Variants in GSK3B observed in about 807,000 individuals in gnomAD.
The protein encoded by GSK3B is glycogen synthase kinase-3 beta.
GSK3B carries 15 observed loss-of-function variants against 56.4 expected under a neutral mutation model. The ratio of observed to expected loss-of-function variants is 0.27; its 90% CI spans 0.18 to 0.41. GSK3B has a LOEUF of 0.41. Ranked by LOEUF, GSK3B falls within the 10% of genes least tolerant of loss-of-function variation. The pLI is 1.00. For synonymous variants in GSK3B, 181 were observed against 188.9 expected (o/e 0.96, Z 0.34); for missense variants, 300 against 513.4 (o/e 0.58, Z 4.02).
chr3:120,035,287 C>T (rs1476572111), intron 1 of GSK3B, among the ~76,000 whole-genome samples: 1 of 152,138 alleles, frequency 6.6e-6, no homozygotes, highest in East Asian at 1.9e-4. Flanking sequence ...CTAGCAAACA[C>T]TAGAAGCAGC....
At chr3:120,006,186 A>G (rs2057725921) in intron 1 of GSK3B, among the ~76,000 whole-genome samples, 1 of 152,228 alleles carries the variant, frequency 6.6e-6, no homozygotes, top group Admixed American at 6.5e-5. Flanking sequence ...ACATAATGGT[A>G]AAGTGATCAA....
chr3:119,929,898 C>T (rs535600069), intron 3 of GSK3B, among the ~76,000 whole-genome samples: 4 of 141,704 alleles, frequency 2.8e-5, no homozygotes, highest in South Asian at 2.2e-4. Flanking sequence ...CGAAACTCTG[C>T]CTCAAAAAAA....
chr3:120,041,423 G>A (rs903020298), intron 1 of GSK3B: 6 of 267,274 alleles, frequency 2.2e-5, no homozygotes, highest in Admixed American at 2.2e-4. Flanking sequence ...AGAAGCCCAT[G>A]GAAACACATA....
Position 119,843,442 on chromosome 3 carries a change from G to T in GSK3B, c.1097-89C>A, listed in dbSNP as rs892326314. The T allele has an allele frequency of 5.9e-6, 4 of 674,222 alleles. No homozygotes were observed. In the Admixed American group the frequency reaches 9.3e-5, roughly 16 times the overall value. 41.8% of individuals were successfully genotyped at this position (674,222 alleles called of 1,614,324 possible). ...TTGGTAAGAGTGAAAATAAGATTCTGCATTAAACTACCAGTTTATGCCGGG... is the reference window on the plus strand; with the variant it reads ...TTGGTAAGAGTGAAAATAAGATTCTTCATTAAACTACCAGTTTATGCCGGG... On this transcript the variant is annotated intron_variant, in intron 9 of 10. Transcript: ENST00000264235.
chr3:120,093,371 C>A lies in GSK3B; in HGVS notation c.64G>T (p.Ala22Ser), dbSNP rs750102236. Reference sequence around the variant, plus strand: ...CTGCTAACTTTCATGCTGCCAAAAGCTGAAGGCTGCTGCACCGGCTTGCAG... The same window carrying A: ...CTGCTAACTTTCATGCTGCCAAAAGATGAAGGCTGCTGCACCGGCTTGCAG... ...ESCKPVQQPS[A>S]FGSMKVSRDK... is the part of the protein sequence containing the mutation. The change falls in exon 1 of 11, where the codon GCT (alanine) becomes TCT (serine). Residue 22 changes from alanine (A) to serine (S), a missense_variant. Physicochemically the swap from Ala to Ser is moderately conservative, Grantham distance 99. This residue lies in a region of GSK3B where 53 missense variants were observed against 64.6 expected (regional missense o/e 0.82). Coordinates refer to ENST00000264235, the MANE Select transcript of GSK3B (RefSeq NM_001146156.2). The A allele has an allele frequency of 5.6e-6, 9 of 1,613,548 alleles. No homozygotes were observed. The highest frequency in any genetic ancestry group is 7.6e-6 in the Non-Finnish European group (9 of 1,179,462).
intron 1 of GSK3B, among the ~76,000 whole-genome samples, chr3:120,026,378 A>C (rs2057924260): frequency 6.6e-6 from 1 of 152,126 alleles, no homozygotes; most frequent in Admixed American, 6.6e-5. Context: ...GTAGTTTATA[A>C]TCTATAGTAG....
intron 10 of GSK3B, among the ~76,000 whole-genome samples, chr3:119,830,789 A>C (rs1263629525): frequency 6.6e-6 from 1 of 152,252 alleles, no homozygotes; most frequent in Non-Finnish European, 1.5e-5. Context: ...ATTTTGGAAC[A>C]CGTTATTTAA....
intron 3 of GSK3B, among the ~76,000 whole-genome samples, chr3:119,933,918 CAAG>C (rs991574211): frequency 6.6e-5 from 10 of 151,880 alleles, no homozygotes; most frequent in Non-Finnish European, 1.2e-4. Context: ...AAAAAACAAA[CAAG>C]AAGCACAGGA....
intron 9 of GSK3B, among the ~76,000 whole-genome samples, chr3:119,846,545 T>C (rs147320339): frequency 2.6e-3 from 398 of 152,296 alleles, no homozygotes; most frequent in African/African-American, 8.5e-3. Context: ...AAAAAGCTCA[T>C]CATCGCTGAT....
Position 120,094,363 on chromosome 3 carries a change from C to G in GSK3B, c.-929G>C. On this transcript the variant is annotated 5_prime_UTR_variant, in exon 1 of 11. Coordinates refer to ENST00000264235, the MANE Select transcript of GSK3B (RefSeq NM_001146156.2). ...GGGGCCGGCTCCTCCTCGCTTCCTTCCTTCCTTTGTCACTTGGCCCGGGCG... is the reference window on the plus strand; with the variant it reads ...GGGGCCGGCTCCTCCTCGCTTCCTTGCTTCCTTTGTCACTTGGCCCGGGCG... 3.3e-6 allele frequency: 1 copy of G among 301,394 alleles called. No homozygotes were observed. Among genetic ancestry groups the G allele is most frequent in the Non-Finnish European group, 6.2e-6 (1 of 162,164 alleles). 18.7% of individuals were successfully genotyped at this position (301,394 alleles called of 1,614,324 possible).
In GSK3B at chr3:120,093,756, G is replaced by T. The variant is rs1468790271; in HGVS notation, c.-322C>A. ...CAAATCCTAAAAAAATATGTATCAC[G>T]TGAAACGGGGGCAAATACTTGATTG... On this transcript the variant is annotated 5_prime_UTR_variant, in exon 1 of 11. Transcript: ENST00000264235. The T allele has an allele frequency of 1.0e-5, 3 of 290,878 alleles. No individual in the cohort carries two copies. Among genetic ancestry groups the T allele is most frequent in the Non-Finnish European group, 6.4e-6 (1 of 155,344 alleles). 18.0% of individuals were successfully genotyped at this position (290,878 alleles called of 1,614,324 possible).
chr3:119,988,578 A>G (rs2057536915), intron 2 of GSK3B, among the ~76,000 whole-genome samples: 1 of 152,234 alleles, frequency 6.6e-6, no homozygotes, highest in South Asian at 2.1e-4. Context: ...AACTGGCCTC[A>G]TATTTTGTGT....
At position 119,952,729 on chromosome 3, in the gene GSK3B, A is replaced by T. The variant is rs72969111; in HGVS notation, c.283-5378T>A. On this transcript the variant is annotated intron_variant, in intron 2 of 10. Transcript: ENST00000264235. ...AGCTAGAAGGCAGTAACAAAAAATT[A>T]AAAAAAACTATCAACTAAGAATTCT... is the stretch of plus-strand genomic sequence containing the variant. 5.1e-3 allele frequency among the ~76,000 whole-genome samples: 780 copies of T among 151,790 alleles called. 7 individuals carry two copies. Among genetic ancestry groups the T allele is most frequent in the African/African-American group, 0.018 (744 of 41,416 alleles).
chr3:120,058,425 C>T (rs1443992038), intron 1 of GSK3B, among the ~76,000 whole-genome samples: 1 of 152,094 alleles, frequency 6.6e-6, no homozygotes, highest in Non-Finnish European at 1.5e-5. Flanking sequence ...TTCAGGGGCT[C>T]AACAGCCACA....
At chr3:119,837,734 T>A (rs1420844643) in intron 10 of GSK3B, among the ~76,000 whole-genome samples, 4 of 151,890 alleles carry the variant, frequency 2.6e-5, no homozygotes, top group Admixed American at 1.3e-4. Context: ...GCAGATGCTC[T>A]CTAAAATGGT....
chr3:119,845,415 C>T (rs576923884), intron 9 of GSK3B, among the ~76,000 whole-genome samples: 1 of 152,176 alleles, frequency 6.6e-6, no homozygotes, highest in East Asian at 1.9e-4. Context: ...TTTAGAAAAC[C>T]CCATCGCCTC....
At chr3:119,906,889 G>GT (rs1317398705) in intron 6 of GSK3B, among the ~76,000 whole-genome samples, 1 of 152,038 alleles carries the variant, frequency 6.6e-6, no homozygotes, top group Non-Finnish European at 1.5e-5. Flanking sequence ...ACTGGAAATC[G>GT]TTGCTCCAGT....
rs1288677162 is a variant in GSK3B, at chr3:119,863,357, C to T, written c.1096+62G>A. ...CCACAGATTTTAATTAATAGAATGT[C>T]ATTTCACACCCAGGGTGTAGCTTTC... is the stretch of plus-strand genomic sequence containing the variant. On this transcript the variant is annotated intron_variant, in intron 9 of 10. Coordinates refer to ENST00000264235, the MANE Select transcript of GSK3B (RefSeq NM_001146156.2). 11 of 1,287,676 alleles carry T rather than the reference C, an allele frequency of 8.5e-6. No individual in the cohort carries two copies. The East Asian group carries it at 2.5e-4, about 30-fold the overall frequency. The allele number at this position is 1,287,676 out of a possible 1,614,324, so 79.8% of individuals were successfully genotyped here.
intron 9 of GSK3B, among the ~76,000 whole-genome samples, chr3:119,858,282 CTTCCAA>C (rs1337984437): frequency 6.6e-6 from 1 of 152,244 alleles, no homozygotes; most frequent in Non-Finnish European, 1.5e-5. Context: ...ATGGCATCTT[CTTCCAA>C]TAGAAGGCTG....
Sources: gnomAD v4.1 joint callset for allele counts (sites outside exome capture counted in the v4.1 genomes callset) on GRCh38, gnomAD v4.1.1 for gene constraint, gnomAD v4.1.1 regional missense constraint, MANE v1.5 for transcripts, NCBI Gene and HGNC (gene_info 2026-07-23, HGNC 2026-07-21) for gene names.